The following CCDC150 variants were observed in gnomAD, a reference collection of about 807,000 sequenced individuals.
The protein encoded by CCDC150 is coiled-coil domain containing 150.
In CCDC150, 151 loss-of-function variants were observed where a neutral mutation model predicts 156.5. The observed-to-expected ratio is 0.97, with a 90% confidence interval of 0.85 to 1.10. CCDC150 has a LOEUF of 1.10. CCDC150 is among the 50% of genes least tolerant of loss of function. The pLI is 0.00. For missense variants in CCDC150, 1,312 were observed against 1,268.1 expected, an observed-to-expected ratio of 1.03 and a Z score of -0.53; for synonymous variants, 452 against 429.4, an observed-to-expected ratio of 1.05 and a Z score of -0.65.
intron 5 of CCDC150, among the ~76,000 whole-genome samples, chr2:196,662,006 G>A (rs2125591231): frequency 6.6e-6 from 1 of 152,270 alleles, no homozygotes; most frequent in East Asian, 1.9e-4. Flanking sequence ...AAATTTAAAT[G>A]AGTTGATGTC....
intron 5 of CCDC150, among the ~76,000 whole-genome samples, chr2:196,662,014 G>A (rs969935625): frequency 6.6e-6 from 1 of 152,134 alleles, no homozygotes; most frequent in Non-Finnish European, 1.5e-5. Context: ...ATGAGTTGAT[G>A]TCCTGGGTAT....
intron 13 of CCDC150, among the ~76,000 whole-genome samples, chr2:196,681,274 A>G (rs1694803205): frequency 6.6e-6 from 1 of 152,120 alleles, no homozygotes; most frequent in Non-Finnish European, 1.5e-5. Context: ...TCAACATTGT[A>G]GTATGTATCA....
At chr2:196,715,890 T>C (rs1244237996) in intron 17 of CCDC150, among the ~76,000 whole-genome samples, 1 of 152,190 alleles carries the variant, frequency 6.6e-6, no homozygotes, top group African/African-American at 2.4e-5. Context: ...CAACTTATGC[T>C]CTTCAGAAAC....
chr2:196,656,158 C>T (rs1176976827), intron 2 of CCDC150, among the ~76,000 whole-genome samples: 1 of 152,164 alleles, frequency 6.6e-6, no homozygotes, highest in African/African-American at 2.4e-5. Flanking sequence ...GTGTATGCCT[C>T]TAATCCCTTC....
chr2:196,697,290 AT>A (rs766670340), intron 14 of CCDC150, among the ~76,000 whole-genome samples: 8 of 151,680 alleles, frequency 5.3e-5, no homozygotes, highest in Non-Finnish European at 1.0e-4. Flanking sequence ...ATATTTCCTA[AT>A]TTCAGGGGTT....
intron 14 of CCDC150, among the ~76,000 whole-genome samples, chr2:196,699,063 G>T (rs1035161179): frequency 6.6e-6 from 1 of 152,172 alleles, no homozygotes; most frequent in African/African-American, 2.4e-5. Flanking sequence ...TTGGCAAAGA[G>T]CACTGTGTTT....
chr2:196,729,719 C>G (rs1473361200), intron 23 of CCDC150, 74 bp from the exon 24 acceptor site: 2 of 990,442 alleles, frequency 2.0e-6, no homozygotes, highest in Non-Finnish European at 3.0e-6. Context: ...TTCTTTCTGT[C>G]ATCCTATAGG....
intron 26 of CCDC150, 28 bp downstream of exon 26, chr2:196,730,973 T>G: frequency 2.6e-6 from 4 of 1,546,056 alleles, no homozygotes; most frequent in South Asian, 1.2e-5. Context: ...ACATAAAGAC[T>G]TAGACGTTTC....
At chr2:196,698,955 A>G (rs1559253415) in intron 14 of CCDC150, among the ~76,000 whole-genome samples, 1 of 152,108 alleles carries the variant, frequency 6.6e-6, no homozygotes, top group African/African-American at 2.4e-5. Flanking sequence ...CATCCTTACA[A>G]TTTATTTGCT....
chr2:196,667,059 C>T, intron 7 of CCDC150: 1 of 561,376 alleles, frequency 1.8e-6, no homozygotes, highest in Non-Finnish European at 3.2e-6. Context: ...TAATTGTAAA[C>T]TATTCCTTAT....
intron 10 of CCDC150, among the ~76,000 whole-genome samples, 196 bp from the exon 11 acceptor site, chr2:196,675,947 G>A (rs1575809954): frequency 6.6e-6 from 1 of 152,144 alleles, no homozygotes; most frequent in African/African-American, 2.4e-5. Flanking sequence ...GCTATAAAAT[G>A]ATAGAACTAG....
chr2:196,698,167 CA>C (rs1164330418), intron 14 of CCDC150, among the ~76,000 whole-genome samples: 1 of 152,158 alleles, frequency 6.6e-6, no homozygotes, highest in Non-Finnish European at 1.5e-5. Flanking sequence ...GATGAAAGTA[CA>C]GGGCCTATTT....
chr2:196,657,268 GT>G (rs1420920659), intron 4 of CCDC150, 132 bp downstream of exon 4: 11 of 845,764 alleles, frequency 1.3e-5, no homozygotes, highest in Non-Finnish European at 2.0e-5. Context: ...CATTTGGCAT[GT>G]TGATTTGAGG....
chr2:196,666,947 T>A, intron 7 of CCDC150, 99 bp downstream of exon 7: 1 of 1,302,468 alleles, frequency 7.7e-7, no homozygotes, highest in Non-Finnish European at 1.1e-6. Flanking sequence ...CCAGTGTTAT[T>A]GGTATTTCCC....
intron 15 of CCDC150, among the ~76,000 whole-genome samples, chr2:196,704,819 A>C (rs1356715865): frequency 6.6e-6 from 1 of 152,036 alleles, no homozygotes; most frequent in Non-Finnish European, 1.5e-5. Flanking sequence ...TCTGTCCTTG[A>C]GATAGTTTGC....
chr2:196,677,932 G>A (rs1264111272), intron 13 of CCDC150, among the ~76,000 whole-genome samples: 1 of 152,126 alleles, frequency 6.6e-6, no homozygotes, highest in African/African-American at 2.4e-5. Context: ...AGAGGTTGCA[G>A]TGAGCAGAGA....
At position 196,646,356 on chromosome 2, in the gene CCDC150, A is replaced by G. The variant is rs1476228810; in HGVS notation, c.28A>G (p.Thr10Ala). The change falls in exon 2 of 28, where the codon ACA becomes GCA. Residue 10 changes from threonine to alanine, a missense_variant. Transcript: ENST00000389175. ...GTATTCTTAGGTACATATGGAAACT[A>G]CAGTGTCCAGACCGGTCCTTTCTCC... Reference protein sequence around the residue: MDCKVHMETTVSRPVLSPTH... With the variant: MDCKVHMETAVSRPVLSPTH... 1.9e-6 allele frequency: 3 copies of G among 1,613,686 alleles called. No individual in the cohort carries two copies. The highest frequency in any genetic ancestry group is 2.2e-5 in the East Asian group (1 of 44,876).
rs571403892 is a variant in CCDC150 at position 196,714,596 on chromosome 2, C to G, written c.1866+1857C>G. On this transcript the variant is annotated intron_variant, in intron 17 of 27. Transcript: ENST00000389175. ...CCGGTCGCAAGACCCAGGTGTTTTC[C>G]TTTTGATCCAGCTTTGGGAAGTCAG... 3.3e-5 allele frequency among the ~76,000 whole-genome samples: 5 copies of G among 152,248 alleles called. No homozygotes were observed. In the East Asian group the frequency reaches 5.8e-4, roughly 18 times the overall value.
intron 15 of CCDC150, among the ~76,000 whole-genome samples, chr2:196,704,495 T>G (rs969436864): frequency 6.6e-6 from 1 of 152,172 alleles, no homozygotes; most frequent in Non-Finnish European, 1.5e-5. Context: ...ATCCTAAGTT[T>G]TACTAGATTT....
Sources: allele counts gnomAD v4.1 joint callset (sites outside exome capture counted in the v4.1 genomes callset), GRCh38; gene constraint gnomAD v4.1.1; transcripts MANE v1.5; gene names NCBI Gene and HGNC (gene_info 2026-07-23, HGNC 2026-07-21).